Variants in UGT8 observed in about 807,000 individuals in gnomAD.
UGT8 encodes the protein 2-hydroxyacylsphingosine 1-beta-galactosyltransferase.
In UGT8, 12 loss-of-function variants were observed where a neutral mutation model predicts 40.5. That is an observed-to-expected ratio of 0.30 (90% CI 0.19 to 0.48). The LOEUF (loss-of-function observed/expected upper bound fraction) is 0.48. Among genes scored for constraint, UGT8 ranks in the 20% least tolerant of loss-of-function variants. UGT8 has a pLI of 0.99. For synonymous variants in UGT8, 224 were observed against 240.4 expected (o/e 0.93, Z 0.63); for missense variants, 513 against 648.7 (o/e 0.79, Z 2.27).
rs148739195 is a variant in UGT8, at chr4:114,619,599, A to G, written c.-2-3280A>G. 480 of 152,190 alleles carry G rather than the reference A, an allele frequency of 3.2e-3. 3 individuals are homozygous for G. Among genetic ancestry groups the G allele is most frequent in the African/African-American group, 0.011 (449 of 41,554 alleles). The allele number at this position is 152,190 out of a possible 1,614,324, so 9.4% of individuals were successfully genotyped here. ...CTACATGATGTTTATAATGTTTAGT[A>G]TCCTAATTTTCAGTCAACATTTAAT... is the stretch of plus-strand genomic sequence containing the variant. On this transcript the variant is annotated intron_variant, in intron 1 of 5. Coordinates refer to ENST00000310836, the MANE Select transcript of UGT8 (RefSeq NM_001128174.3).
At chr4:114,638,450 A>G (rs992358796) in intron 2 of UGT8, among the ~76,000 whole-genome samples, 2 of 152,208 alleles carry the variant, frequency 1.3e-5, no homozygotes, top group African/African-American at 4.8e-5. Context: ...ACTGACATCA[A>G]GACCCTCTGG....
At chr4:114,609,296 A>C (rs1459783383) in intron 1 of UGT8, among the ~76,000 whole-genome samples, 1 of 152,204 alleles carries the variant, frequency 6.6e-6, no homozygotes, top group African/African-American at 2.4e-5. Context: ...CTAAAGTAAA[A>C]AGAAAAGAGA....
intron 3 of UGT8, among the ~76,000 whole-genome samples, chr4:114,664,502 T>A (rs1046781906): frequency 3.3e-5 from 5 of 152,226 alleles, no homozygotes; most frequent in Non-Finnish European, 5.9e-5. Context: ...TTCAAATCAG[T>A]TTTGAAATGA....
At chr4:114,664,826 G>A (rs1410072143) in intron 3 of UGT8, among the ~76,000 whole-genome samples, 2 of 152,132 alleles carry the variant, frequency 1.3e-5, no homozygotes, top group Non-Finnish European at 2.9e-5. Context: ...ATACAACGTC[G>A]GTCCCATAGT....
intron 1 of UGT8, among the ~76,000 whole-genome samples, chr4:114,611,690 C>CAT (rs1645017560): frequency 6.6e-6 from 1 of 150,544 alleles, no homozygotes; most frequent in Non-Finnish European, 1.5e-5. Context: ...CACATATTTA[C>CAT]ATATATATAA....
At chr4:114,649,844 T>A (rs1733796401) in intron 2 of UGT8, among the ~76,000 whole-genome samples, 1 of 152,202 alleles carries the variant, frequency 6.6e-6, no homozygotes, top group Non-Finnish European at 1.5e-5. Flanking sequence ...TGAATTAAAA[T>A]TAAAATTTCA....
intron 2 of UGT8, among the ~76,000 whole-genome samples, chr4:114,626,282 A>G (rs1732214800): frequency 6.6e-6 from 1 of 152,192 alleles, no homozygotes; most frequent in African/African-American, 2.4e-5. Context: ...GAGTTTCTCA[A>G]ATGCCTGTAT....
chr4:114,624,282 G>C (rs1732046402), intron 2 of UGT8, among the ~76,000 whole-genome samples: 1 of 152,180 alleles, frequency 6.6e-6, no homozygotes, highest in African/African-American at 2.4e-5. Flanking sequence ...TTCAATGATG[G>C]AATCAATGGC....
chr4:114,628,866 T>C (rs1445218022), intron 2 of UGT8, among the ~76,000 whole-genome samples: 1 of 148,402 alleles, frequency 6.7e-6, no homozygotes, highest in Non-Finnish European at 1.5e-5. Flanking sequence ...TTGGGGACAA[T>C]GAGAGATTGA....
At chr4:114,658,912 C>G (rs373231927) in intron 2 of UGT8, among the ~76,000 whole-genome samples, 2 of 152,006 alleles carry the variant, frequency 1.3e-5, no homozygotes, top group Admixed American at 1.3e-4. Context: ...AGTTGCTCCC[C>G]GAGTCTGACT....
chr4:114,615,913 C>T (rs535034488), intron 1 of UGT8, among the ~76,000 whole-genome samples: 2 of 152,124 alleles, frequency 1.3e-5, no homozygotes, highest in Non-Finnish European at 2.9e-5. Context: ...TGCAGAACAG[C>T]GGATATTGGT....
intron 1 of UGT8, among the ~76,000 whole-genome samples, chr4:114,620,434 A>G (rs1248297366): frequency 1.3e-5 from 2 of 152,218 alleles, no homozygotes; most frequent in Non-Finnish European, 1.5e-5. Flanking sequence ...AGAAGGCAAC[A>G]TTGGAGAGAC....
At chr4:114,662,697 C>A (rs976968690) in intron 2 of UGT8, among the ~76,000 whole-genome samples, 6 of 150,808 alleles carry the variant, frequency 4.0e-5, no homozygotes, top group African/African-American at 1.5e-4. Context: ...AAAGTTAATA[C>A]AGATCTCTTT....
At chr4:114,614,284 C>T (rs1731262996) in intron 1 of UGT8, among the ~76,000 whole-genome samples, 1 of 152,140 alleles carries the variant, frequency 6.6e-6, no homozygotes. Flanking sequence ...TTTCTCTTGG[C>T]ACTCATGAAT....
At chr4:114,625,509 T>TAAAA (rs767102968) in intron 2 of UGT8, among the ~76,000 whole-genome samples, 31 of 75,284 alleles carry the variant, frequency 4.1e-4, no homozygotes, top group East Asian at 1.1e-3. Context: ...AGACCCTGTC[T>TAAAA]AAAAAAAAAA....
chr4:114,651,986 T>G (rs1232077746), intron 2 of UGT8, among the ~76,000 whole-genome samples: 3 of 151,976 alleles, frequency 2.0e-5, no homozygotes, highest in African/African-American at 7.2e-5. Context: ...TTAAAGGAAT[T>G]TATAGTCTGC....
Position 114,665,815 on chromosome 4 carries a change from AC to A in UGT8, c.1042+60del. 5 of 1,361,972 alleles carry A rather than the reference AC, an allele frequency of 3.7e-6. No individual in the cohort carries two copies. The South Asian group carries it at 5.4e-5, about 15-fold the overall frequency. 84.4% of individuals were successfully genotyped at this position (1,361,972 alleles called of 1,614,324 possible). A position where few individuals can be genotyped will look rare whatever the true frequency, so the allele number is the denominator to read the frequency against. ...GTTAGGTTTTAATTACATAAATGTG[AC>A]TTTTTTTTTTTTTTTACTTCAGAGG... On this transcript the variant is annotated intron_variant, in intron 4 of 5. Transcript: ENST00000310836.
chr4:114,641,599 T>C (rs1733226858), intron 2 of UGT8, among the ~76,000 whole-genome samples: 1 of 152,228 alleles, frequency 6.6e-6, no homozygotes, highest in Non-Finnish European at 1.5e-5. Flanking sequence ...TACAGTGATA[T>C]GAAGACCTCT....
chr4:114,653,129 G>A lies in UGT8; in HGVS notation c.823-10866G>A, dbSNP rs191293431. On this transcript the variant is annotated intron_variant, in intron 2 of 5. Transcript: ENST00000310836. ...ATAGATTATGAAAAGTGGGGAGTGAGATGAAGGAGAAAGGGTGATCAAGTT... is the reference window on the plus strand; with the variant it reads ...ATAGATTATGAAAAGTGGGGAGTGAAATGAAGGAGAAAGGGTGATCAAGTT... Among the ~76,000 whole-genome samples the A allele has an allele frequency of 9.9e-5, 15 of 152,172 alleles. No individual in the cohort carries two copies. The East Asian group carries it at 2.9e-3, about 29-fold the overall frequency.
Sources: allele counts gnomAD v4.1 joint callset (sites outside exome capture counted in the v4.1 genomes callset), GRCh38; gene constraint gnomAD v4.1.1; transcripts MANE v1.5; gene names NCBI Gene and HGNC (gene_info 2026-07-23, HGNC 2026-07-21).